CCDC66: variants seen among roughly 807,000 people sequenced by gnomAD.
CCDC66 encodes the protein coiled-coil domain containing 66.
A neutral mutation model predicts 128.3 loss-of-function variants in CCDC66; 133 were observed. The observed-to-expected ratio is 1.04, with a 90% CI of 0.90 to 1.20. CCDC66 has a LOEUF of 1.20. Among genes scored for constraint, CCDC66 ranks in the 50% most tolerant of loss-of-function variants. The pLI, the probability that CCDC66 is intolerant of heterozygous loss-of-function variation, is 0.00. For missense variants in CCDC66, 1,126 were observed against 1,075.5 expected (o/e 1.05, Z -0.66); for synonymous variants, 387 against 357.0 (o/e 1.08, Z -0.95).
At position 56,621,533 on chromosome 3, in the gene CCDC66, G is replaced by GCCTT; in HGVS notation, c.2764_2767dup (p.Leu923ProfsTer11). ...AAACATATATCAATGTGATTTCAGG[G>GCCTT]CCTTCTCCAGAAGCAAAAGGAGTTG... On this transcript the variant is annotated frameshift_variant and splice_region_variant, in exon 18 of 18. Coordinates refer to ENST00000394672, the MANE Select transcript of CCDC66 (RefSeq NM_001141947.3). LOFTEE classifies it high-confidence loss of function. 3.2e-6 allele frequency: 5 copies of GCCTT among 1,584,184 alleles called. No homozygotes were observed. Among genetic ancestry groups the GCCTT allele is most frequent in the Non-Finnish European group, 4.3e-6 (5 of 1,164,946 alleles).
At chr3:56,593,198 G>A in intron 8 of CCDC66, 97 bp downstream of exon 8, 2 of 1,033,056 alleles carry the variant, frequency 1.9e-6, no homozygotes, top group South Asian at 1.7e-5. Flanking sequence ...GACAAGACCA[G>A]AATATTCCAT....
chr3:56,607,001 G>C (rs538342626), intron 10 of CCDC66, among the ~76,000 whole-genome samples: 3 of 152,128 alleles, frequency 2.0e-5, no homozygotes, highest in Non-Finnish European at 4.4e-5. Flanking sequence ...ATTGGTCTAT[G>C]TGCCTATTTT....
intron 2 of CCDC66, 147 bp downstream of exon 2, chr3:56,559,057 C>T: frequency 3.2e-6 from 2 of 631,236 alleles, no homozygotes; most frequent in Non-Finnish European, 2.7e-6. Flanking sequence ...TGCAGATTTC[C>T]TTCTAGCCAA....
At chr3:56,606,762 T>A (rs781419426) in intron 10 of CCDC66, among the ~76,000 whole-genome samples, 1 of 152,072 alleles carries the variant, frequency 6.6e-6, no homozygotes, top group Non-Finnish European at 1.5e-5. Context: ...TTCTAGAATT[T>A]TTATAGTTTC....
intron 10 of CCDC66, among the ~76,000 whole-genome samples, chr3:56,609,431 G>A (rs563619925): frequency 1.3e-5 from 2 of 152,224 alleles, no homozygotes; most frequent in East Asian, 3.9e-4. Flanking sequence ...CTTTTGGTGT[G>A]CATTTGCATG....
intron 13 of CCDC66, 46 bp from the exon 14 acceptor site, chr3:56,617,066 A>G: frequency 7.3e-7 from 1 of 1,377,760 alleles, no homozygotes; most frequent in Non-Finnish European, 9.7e-7. Context: ...TTAATATTGA[A>G]AATTTTGTTT....
intron 6 of CCDC66, chr3:56,570,270 AACT>A (rs760278548): frequency 3.9e-5 from 6 of 152,200 alleles, no homozygotes; most frequent in South Asian, 2.1e-4. Context: ...GTATTTAAAG[AACT>A]ACTGTTGATT....
intron 7 of CCDC66, among the ~76,000 whole-genome samples, chr3:56,583,676 T>TGGG (rs1471663145): frequency 6.6e-6 from 1 of 151,910 alleles, no homozygotes; most frequent in Non-Finnish European, 1.5e-5. Flanking sequence ...CAGAACAAAA[T>TGGG]GGAGTCTCCT....
intron 7 of CCDC66, among the ~76,000 whole-genome samples, 177 bp from the exon 8 acceptor site, chr3:56,592,793 G>T (rs938432499): frequency 6.6e-6 from 1 of 151,976 alleles, no homozygotes; most frequent in East Asian, 1.9e-4. Context: ...ATGATTCTGA[G>T]AATCAGAATA....
At chr3:56,570,542 G>C (rs2066484883) in intron 6 of CCDC66, 1 of 155,996 alleles carries the variant, frequency 6.4e-6, no homozygotes, top group Non-Finnish European at 1.4e-5. Flanking sequence ...ACAAGGTCAG[G>C]AAATAGAGAC....
chr3:56,621,793 T>TA lies in CCDC66; in HGVS notation c.*176dup, dbSNP rs2076669127. The stretch of plus-strand genomic sequence containing the variant: ...TACTTGTTCTATACAATAAAACAGA[T>TA]ACTTCTTTTGTAAAAGCTTAGTAGT... On this transcript the variant is annotated 3_prime_UTR_variant, in exon 18 of 18. Coordinates refer to ENST00000394672, the MANE Select transcript of CCDC66 (RefSeq NM_001141947.3). 3.7e-6 allele frequency: 1 copy of TA among 266,688 alleles called. No homozygotes were observed. The highest frequency in any genetic ancestry group is 2.4e-5 in the African/African-American group (1 of 42,478). 16.5% of individuals were successfully genotyped at this position (266,688 alleles called of 1,614,324 possible). A position where few individuals can be genotyped will look rare whatever the true frequency, so the allele number is the denominator to read the frequency against.
In CCDC66 at chr3:56,574,352, ACT is replaced by A. The variant is rs1214463012; in HGVS notation, c.936+3053_936+3054del. On this transcript the variant is annotated intron_variant, in intron 7 of 17. Transcript: ENST00000394672. The stretch of plus-strand genomic sequence containing the variant: ...ACTCCAGCCTGGGCGACAGAGCAAG[ACT>A]CTGTCTCAAAAAAAAAAAAAAAATC... Among the ~76,000 whole-genome samples the A allele has an allele frequency of 4.7e-5, 5 of 107,170 alleles. No homozygotes were observed. In the South Asian group the frequency reaches 1.1e-3, roughly 24 times the overall value. The allele number at this position is 107,170 out of a possible 152,430, so 70.3% of individuals were successfully genotyped here. A position where few individuals can be genotyped will look rare whatever the true frequency, so the allele number is the denominator to read the frequency against.
chr3:56,602,717 G>T (rs1359503811), intron 10 of CCDC66, among the ~76,000 whole-genome samples: 2 of 151,696 alleles, frequency 1.3e-5, no homozygotes, highest in Non-Finnish European at 2.9e-5. Flanking sequence ...GGGTGTATGT[G>T]TCCAGGAATT....
chr3:56,559,595 G>A lies in CCDC66; in HGVS notation c.102+1G>A. 1 of 1,533,140 alleles carries A rather than the reference G, an allele frequency of 6.5e-7. No homozygotes were observed. The allele number at this position is 1,533,140 out of a possible 1,614,324, so 95.0% of individuals were successfully genotyped here. On this transcript the variant is annotated splice_donor_variant, in intron 3 of 17. Transcript: ENST00000394672. LOFTEE classifies it high-confidence loss of function. ...ACATAAATCAAAAATTTCTGTGAAG[G>A]TAAGCCGTATAACTTTGACCTGACC...
intron 10 of CCDC66, among the ~76,000 whole-genome samples, chr3:56,597,289 G>C (rs528354259): frequency 6.6e-6 from 1 of 152,082 alleles, no homozygotes; most frequent in East Asian, 1.9e-4. Flanking sequence ...CCATGCTGTT[G>C]TGGTTCCTAT....
intron 17 of CCDC66, chr3:56,620,816 C>G (rs1029442810): frequency 1.3e-5 from 2 of 152,214 alleles, no homozygotes; most frequent in African/African-American, 4.8e-5. Flanking sequence ...CAGCAGGACC[C>G]TTCTGTTAGC....
chr3:56,613,988 A>C (rs1431109734), intron 11 of CCDC66, among the ~76,000 whole-genome samples: 1 of 152,154 alleles, frequency 6.6e-6, no homozygotes, highest in Non-Finnish European at 1.5e-5. Flanking sequence ...ACTATGTTCA[A>C]GCGATCCTCC....
At position 56,618,215 on chromosome 3, in the gene CCDC66, A is replaced by G. The variant is rs201100394; in HGVS notation, c.2378+3A>G. The G allele has an allele frequency of 3.1e-6, 5 of 1,612,244 alleles. No homozygotes were observed. Among genetic ancestry groups the G allele is most frequent in the Non-Finnish European group, 4.2e-6 (5 of 1,178,380 alleles). On this transcript the variant is annotated splice_donor_region_variant and intron_variant, in intron 15 of 17. Coordinates refer to ENST00000394672, the MANE Select transcript of CCDC66 (RefSeq NM_001141947.3). ...ATTCATTCATTCAGCAAGGAAAGGT[A>G]AGTATGCATCAGATTAATTCCGCAG...
rs771099972 is a variant in CCDC66 at position 56,571,303 on chromosome 3, G to A, written c.936+1G>A. On this transcript the variant is annotated splice_donor_variant, in intron 7 of 17. Transcript: ENST00000394672. LOFTEE classifies it high-confidence loss of function. ...ACATCAAATTCTTGACCAATCTAGG[G>A]TAAGACATCTTAATTGCAATTTTTA... 3.4e-5 allele frequency: 51 copies of A among 1,493,952 alleles called. No homozygotes were observed. Among genetic ancestry groups the A allele is most frequent in the Non-Finnish European group, 4.6e-5 (50 of 1,094,816 alleles). The allele number at this position is 1,493,952 out of a possible 1,614,324, so 92.5% of individuals were successfully genotyped here.
Sources: gnomAD v4.1 joint callset for allele counts (sites outside exome capture counted in the v4.1 genomes callset) on GRCh38, gnomAD v4.1.1 for gene constraint, MANE v1.5 for transcripts, NCBI Gene and HGNC (gene_info 2026-07-23, HGNC 2026-07-21) for gene names.